The following LNPK variants were observed in gnomAD, a reference collection of about 807,000 sequenced individuals.
LNPK encodes the protein endoplasmic reticulum junction formation protein lunapark.
A neutral mutation model predicts 55.2 loss-of-function variants in LNPK; 29 were observed. The ratio of observed to expected loss-of-function variants is 0.53; its 90% CI spans 0.39 to 0.72. The LOEUF (loss-of-function observed/expected upper bound fraction) is 0.72. Ranked by LOEUF, LNPK falls within the 30% of genes least tolerant of loss-of-function variation. The probability of loss-of-function intolerance (pLI) is 0.00; values close to 1 mark genes in which losing one functional copy is unlikely to be tolerated. For missense variants in LNPK, 467 were observed against 494.8 expected (o/e 0.94, Z 0.53); for synonymous variants, 162 against 168.2 (o/e 0.96, Z 0.29).
At chr2:175,958,383 T>C (rs1290210374) in intron 8 of LNPK, among the ~76,000 whole-genome samples, 1 of 152,106 alleles carries the variant, frequency 6.6e-6, no homozygotes, top group Admixed American at 6.5e-5. Context: ...CAGGCAGCAA[T>C]ATTTGCTGCT....
intron 1 of LNPK, among the ~76,000 whole-genome samples, chr2:175,997,705 CTGTGTGTG>C (rs35147185): frequency 1.4e-4 from 20 of 144,126 alleles, no homozygotes; most frequent in African/African-American, 3.6e-4. Context: ...AACAAATGCT[CTGTGTGTG>C]TGTGTGTGTG....
intron 5 of LNPK, among the ~76,000 whole-genome samples, chr2:175,976,660 T>C (rs145111422): frequency 1.0e-3 from 155 of 152,318 alleles, no homozygotes; most frequent in African/African-American, 3.3e-3. Flanking sequence ...GAACACACCA[T>C]GCCCGACTCC....
At chr2:175,970,886 C>G in intron 5 of LNPK, 82 bp from the exon 6 acceptor site, 1 of 1,188,112 alleles carries the variant, frequency 8.4e-7, no homozygotes, top group East Asian at 3.2e-5. Context: ...GTAGCAAACA[C>G]AAGAAAACTT....
At chr2:175,973,664 C>A (rs1360711663) in intron 5 of LNPK, among the ~76,000 whole-genome samples, 1 of 152,148 alleles carries the variant, frequency 6.6e-6, no homozygotes, top group Non-Finnish European at 1.5e-5. Context: ...TCTGCAAAGA[C>A]TTTTTATAGA....
intron 10 of LNPK, chr2:175,938,892 C>T (rs893458090): frequency 6.6e-6 from 1 of 152,092 alleles, no homozygotes; most frequent in Admixed American, 6.6e-5. Context: ...CCCAGTTACA[C>T]TAAACATCTA....
chr2:175,973,270 G>C (rs1156380743), intron 5 of LNPK, among the ~76,000 whole-genome samples: 2 of 152,152 alleles, frequency 1.3e-5, no homozygotes, highest in East Asian at 3.8e-4. Context: ...TAGGTTTTGA[G>C]CTCAAAATAT....
At chr2:176,001,858 A>C (rs890010524) in intron 1 of LNPK, among the ~76,000 whole-genome samples, 1 of 152,158 alleles carries the variant, frequency 6.6e-6, no homozygotes, top group African/African-American at 2.4e-5. Context: ...CACCACCCGG[A>C]ATCTCCTAGA....
intron 8 of LNPK, among the ~76,000 whole-genome samples, chr2:175,951,550 A>T (rs1685404318): frequency 7.4e-6 from 1 of 135,266 alleles, no homozygotes; most frequent in African/African-American, 2.9e-5. Flanking sequence ...CTGTTAATTC[A>T]TTCCTTTTTA....
At chr2:175,930,317 C>T (rs984612370) in intron 12 of LNPK, 118 bp from the exon 13 acceptor site, 2 of 596,446 alleles carry the variant, frequency 3.4e-6, no homozygotes, top group African/African-American at 4.1e-5. Flanking sequence ...CACACACACA[C>T]AAAGAAACCA....
Position 175,955,275 on chromosome 2 carries a change from C to T in LNPK, c.494-7583G>A, listed in dbSNP as rs182008652. ...CAGGACTTTTTGTCTCCTATGCTCC[C>T]TGGTCTTGGAACCTGCCACCAGGGA... On this transcript the variant is annotated intron_variant, in intron 8 of 12. Transcript: ENST00000272748. Among the ~76,000 whole-genome samples, 485 of 152,290 alleles carry T rather than the reference C, an allele frequency of 3.2e-3. 1 individual carries two copies. The highest frequency in any genetic ancestry group is 5.4e-3 in the Non-Finnish European group (370 of 68,018).
chr2:175,980,767 C>T (rs980304366), intron 4 of LNPK, among the ~76,000 whole-genome samples: 5 of 151,916 alleles, frequency 3.3e-5, no homozygotes, highest in African/African-American at 9.7e-5. Context: ...ACTAGCCAGG[C>T]GTGATGGCAC....
rs775860016 is a variant in LNPK, at chr2:175,957,785, G to A, written c.493+6587C>T. ...CTCACCTGGGAAGTGCAAGGAGTCA[G>A]GAGATTTCCCTTTCCAAGCCAAGGG... On this transcript the variant is annotated intron_variant, in intron 8 of 12. Coordinates refer to ENST00000272748, the MANE Select transcript of LNPK (RefSeq NM_030650.3). 5.3e-5 allele frequency among the ~76,000 whole-genome samples: 8 copies of A among 152,326 alleles called. No homozygotes were observed. In the East Asian group the frequency reaches 1.5e-3, roughly 29 times the overall value.
chr2:175,956,690 T>C (rs1574844060), intron 8 of LNPK, among the ~76,000 whole-genome samples: 1 of 152,188 alleles, frequency 6.6e-6, no homozygotes, highest in Non-Finnish European at 1.5e-5. Context: ...TGGATTCCTG[T>C]ATTAATACTA....
chr2:175,935,782 T>C lies in LNPK; in HGVS notation c.1054+1562A>G, dbSNP rs944593790. The C allele has an allele frequency of 1.1e-5, 11 of 959,650 alleles. No homozygotes were observed. In the South Asian group the frequency reaches 4.8e-4, roughly 42 times the overall value. The allele number at this position is 959,650 out of a possible 1,614,324, so 59.4% of individuals were successfully genotyped here. A position where few individuals can be genotyped will look rare whatever the true frequency, so the allele number is the denominator to read the frequency against. On this transcript the variant is annotated intron_variant, in intron 12 of 12. Coordinates refer to ENST00000272748, the MANE Select transcript of LNPK (RefSeq NM_030650.3). Reference sequence around the variant, plus strand: ...GACAGAAAATGAGACGTCTGGGGTATTGCTCCTCCTAGATTAGATGAGAAG... The same window carrying C: ...GACAGAAAATGAGACGTCTGGGGTACTGCTCCTCCTAGATTAGATGAGAAG...
intron 8 of LNPK, among the ~76,000 whole-genome samples, chr2:175,948,636 T>C (rs115572698): frequency 6.6e-6 from 1 of 152,254 alleles, no homozygotes; most frequent in East Asian, 1.9e-4. Context: ...TTTTCAATTC[T>C]ACCTATCACA....
intron 8 of LNPK, among the ~76,000 whole-genome samples, chr2:175,948,806 C>T (rs963626245): frequency 6.6e-6 from 1 of 152,256 alleles, no homozygotes; most frequent in East Asian, 1.9e-4. Flanking sequence ...AAGTACAGCT[C>T]TAGCATCAGA....
chr2:175,946,386 C>T (rs1468874317), intron 9 of LNPK, among the ~76,000 whole-genome samples: 1 of 152,090 alleles, frequency 6.6e-6, no homozygotes, highest in African/African-American at 2.4e-5. Context: ...TTCTCAATTT[C>T]ATAAAATATA....
At position 175,937,240 on chromosome 2, in the gene LNPK, C is replaced by CA; in HGVS notation, c.1054+103dup. 2.6e-6 allele frequency: 3 copies of CA among 1,169,630 alleles called. No individual in the cohort carries two copies. The Admixed American group carries it at 6.8e-5, about 26-fold the overall frequency. 72.5% of individuals were successfully genotyped at this position (1,169,630 alleles called of 1,614,324 possible). On this transcript the variant is annotated intron_variant, in intron 12 of 12. Transcript: ENST00000272748. ...AGCCGTAGTTGACATATGCATGCAGCAAAATCTGATAAATTAATCCATCTT... is the reference window on the plus strand; with the variant it reads ...AGCCGTAGTTGACATATGCATGCAGCAAAAATCTGATAAATTAATCCATCTT...
At chr2:175,943,753 C>G (rs1012219082) in intron 9 of LNPK, among the ~76,000 whole-genome samples, 1 of 151,964 alleles carries the variant, frequency 6.6e-6, no homozygotes, top group African/African-American at 2.4e-5. Context: ...CTTCAGCTAA[C>G]TAAGAATAGG....
Sources: gnomAD v4.1 joint callset for allele counts (sites outside exome capture counted in the v4.1 genomes callset) on GRCh38, gnomAD v4.1.1 for gene constraint, MANE v1.5 for transcripts, NCBI Gene and HGNC (gene_info 2026-07-23, HGNC 2026-07-21) for gene names.